ACAD9: variants seen among roughly 807,000 people sequenced by gnomAD.
ACAD9 encodes acyl-CoA dehydrogenase family member 9, also known as complex I assembly factor ACAD9, mitochondrial.
ACAD9 carries 53 observed loss-of-function variants against 70.2 expected under a neutral mutation model. That is an observed-to-expected ratio of 0.75 (90% CI 0.61 to 0.95). The LOEUF is 0.95. ACAD9 is among the 40% of genes least tolerant of loss of function. ACAD9 has a pLI of 0.00. For missense variants in ACAD9, 777 were observed against 802.8 expected, an observed-to-expected ratio of 0.97 and a Z score of 0.39; for synonymous variants, 313 against 312.1, an observed-to-expected ratio of 1.00 and a Z score of -0.03.
rs777561875 is a variant in ACAD9 at position 128,912,631 on chromosome 3, A to C, written c.*24A>C. ...GAGGCAGGGGACAGTGTCCCCTGCTACCGCCCGCCCCTACCCATGGCCCGT... is the reference window on the plus strand; with the variant it reads ...GAGGCAGGGGACAGTGTCCCCTGCTCCCGCCCGCCCCTACCCATGGCCCGT... On this transcript the variant is annotated 3_prime_UTR_variant, in exon 18 of 18. Transcript: ENST00000308982. The C allele has an allele frequency of 6.3e-7, 1 of 1,591,264 alleles. No homozygotes were observed. The highest frequency in any genetic ancestry group is 8.6e-7 in the Non-Finnish European group (1 of 1,159,358).
rs758878148 is a variant in ACAD9 at position 128,908,196 on chromosome 3, G to T, written c.1290G>T (p.Glu430Asp). 2 of 1,614,160 alleles carry T rather than the reference G, an allele frequency of 1.2e-6. No individual in the cohort carries two copies. The highest frequency in any genetic ancestry group is 1.1e-5 in the South Asian group (1 of 91,090). ...RILLIFEGTN[E>D]ILRMYIALTG... The stretch of plus-strand genomic sequence containing the variant: ...ACTACTGACCACAGGGAACCAATGA[G>T]ATTCTCCGGATGTACATCGCCCTGA... The change falls in exon 13 of 18, where the codon GAG becomes GAT. Residue 430 changes from glutamate to aspartate, a missense_variant. By Grantham distance (45) the Glu-to-Asp change is conservative. Transcript: ENST00000308982.
At chr3:128,911,567 A>AGTT (rs1237126624) in intron 17 of ACAD9, among the ~76,000 whole-genome samples, 1 of 152,080 alleles carries the variant, frequency 6.6e-6, no homozygotes, top group East Asian at 1.9e-4. Flanking sequence ...CCTCCTGAGT[A>AGTT]GTTGGGATTA....
intron 2 of ACAD9, among the ~76,000 whole-genome samples, chr3:128,892,247 A>G (rs528545217): frequency 5.1e-4 from 77 of 152,356 alleles, no homozygotes; most frequent in African/African-American, 1.8e-3. Context: ...ATTATATATT[A>G]TAAATATGTG....
At chr3:128,897,864 A>G (rs1020301167) in intron 6 of ACAD9, among the ~76,000 whole-genome samples, 154 bp downstream of exon 6, 1 of 151,676 alleles carries the variant, frequency 6.6e-6, no homozygotes, top group Non-Finnish European at 1.5e-5. Context: ...AATTTTTTTT[A>G]GTTTTTTTTA....
chr3:128,901,245 C>A, intron 7 of ACAD9, 31 bp from the exon 8 acceptor site: 2 of 1,607,368 alleles, frequency 1.2e-6, no homozygotes, highest in South Asian at 2.2e-5. Context: ...TTTGCATTGT[C>A]AGATGATATC....
At chr3:128,880,258 C>T (rs1935048759) in intron 1 of ACAD9, 2 of 348,530 alleles carry the variant, frequency 5.7e-6, no homozygotes, top group South Asian at 4.7e-5. Context: ...AGCCCAGCGC[C>T]TCTCCCTGCC....
chr3:128,908,927 C>G, intron 13 of ACAD9, 46 bp from the exon 14 acceptor site: 1 of 1,613,502 alleles, frequency 6.2e-7, no homozygotes, highest in South Asian at 1.1e-5. Context: ...GGACAGTGAG[C>G]GCCAGCAGCG....
chr3:128,901,874 C>T (rs996570677), intron 8 of ACAD9, among the ~76,000 whole-genome samples: 1 of 152,194 alleles, frequency 6.6e-6, no homozygotes, highest in African/African-American at 2.4e-5. Context: ...GACCCTTACC[C>T]CATCCCTTGG....
At chr3:128,890,484 T>C (rs148035542) in intron 2 of ACAD9, among the ~76,000 whole-genome samples, 7,557 of 151,980 alleles carry the variant, frequency 0.05, 392 homozygotes, top group African/African-American at 0.12. Flanking sequence ...GGGCGGATCA[T>C]GAGGTCAGGA....
rs1315910493 is a variant in ACAD9 at position 128,906,172 on chromosome 3, C to T, written c.1201C>T (p.Leu401Phe). ...WQCVSEALQI[L>F]GGLGYTRDYP... is the part of the protein sequence containing the mutation. Reference sequence around the variant, plus strand: ...GTGTGTGAGTGAGGCGCTGCAGATCCTCGGGGGCTTGGGCTACACAAGGGA... The same window carrying T: ...GTGTGTGAGTGAGGCGCTGCAGATCTTCGGGGGCTTGGGCTACACAAGGGA... Residue 401 changes from leucine to phenylalanine, a missense_variant, in exon 12 of 18, where the codon CTC (leucine) becomes TTC (phenylalanine). Coordinates refer to ENST00000308982, the MANE Select transcript of ACAD9 (RefSeq NM_014049.5). 3 of 1,614,196 alleles carry T rather than the reference C, an allele frequency of 1.9e-6. No individual in the cohort carries two copies. The Admixed American group carries it at 5.0e-5, about 27-fold the overall frequency.
chr3:128,880,545 C>T (rs1011967939), intron 1 of ACAD9, among the ~76,000 whole-genome samples: 3 of 110,152 alleles, frequency 2.7e-5, no homozygotes, highest in Non-Finnish European at 5.1e-5. Context: ...GGCGCCTGCC[C>T]GGCTTTTTTT....
At chr3:128,893,775 G>A (rs974857802) in intron 3 of ACAD9, 119 bp downstream of exon 3, 2 of 845,616 alleles carry the variant, frequency 2.4e-6, no homozygotes, top group African/African-American at 3.3e-5. Flanking sequence ...TACTTGGTAG[G>A]GGTGGACTGA....
At chr3:128,912,227 A>C (rs1482907864) in intron 17 of ACAD9, among the ~76,000 whole-genome samples, 1 of 152,204 alleles carries the variant, frequency 6.6e-6, no homozygotes, top group African/African-American at 2.4e-5. Context: ...GTGGGCTGGA[A>C]TCACAGATGG....
intron 2 of ACAD9, 164 bp from the exon 3 acceptor site, chr3:128,893,391 A>G (rs1238323549): frequency 5.0e-6 from 3 of 600,706 alleles, no homozygotes; most frequent in East Asian, 6.1e-5. Flanking sequence ...GGCTCATTAC[A>G]TAAAATTGAA....
At chr3:128,884,394 G>A (rs956203021) in intron 1 of ACAD9, among the ~76,000 whole-genome samples, 2 of 152,168 alleles carry the variant, frequency 1.3e-5, no homozygotes, top group Non-Finnish European at 2.9e-5. Flanking sequence ...ATCATCCCTT[G>A]TACTGAGAAG....
At position 128,909,028 on chromosome 3, in the gene ACAD9, CG is replaced by C; in HGVS notation, c.1417del (p.Asp473ThrfsTer11). The C allele has an allele frequency of 6.2e-7, 1 of 1,614,138 alleles. No individual in the cohort carries two copies. Among genetic ancestry groups the C allele is most frequent in the South Asian group, 1.1e-5 (1 of 91,084 alleles). ...CATGGATACCGTTGGCCGGAGGCTT[CG>C]GGACTCCCTGGGCCGAACTGTGGAC... ...TVMDTVGRRL[R>X]DSLGRTVDLG... On this transcript the variant is annotated frameshift_variant, in exon 14 of 18. Coordinates refer to ENST00000308982, the MANE Select transcript of ACAD9 (RefSeq NM_014049.5). LOFTEE classifies it high-confidence loss of function.
intron 6 of ACAD9, 31 bp from the exon 7 acceptor site, chr3:128,899,256 T>G (rs749119105): frequency 1.9e-6 from 3 of 1,613,370 alleles, no homozygotes; most frequent in Admixed American, 1.7e-5. Context: ...AGGGGTTTGG[T>G]TTTCTCCAAA....
intron 1 of ACAD9, among the ~76,000 whole-genome samples, chr3:128,884,220 A>G (rs1165583696): frequency 1.3e-5 from 2 of 152,210 alleles, no homozygotes; most frequent in African/African-American, 2.4e-5. Flanking sequence ...GATTCTCACA[A>G]GGGCCTTGAG....
chr3:128,910,357 CAG>C (rs1436403423), intron 16 of ACAD9: 15 of 1,465,180 alleles, frequency 1.0e-5, no homozygotes, highest in Middle Eastern at 2.0e-4. Context: ...GGGTGAGTGA[CAG>C]GGGTTCCTGA....
Sources: gnomAD v4.1 joint callset for allele counts (sites outside exome capture counted in the v4.1 genomes callset) on GRCh38, gnomAD v4.1.1 for gene constraint, MANE v1.5 for transcripts, NCBI Gene and HGNC (gene_info 2026-07-23, HGNC 2026-07-21) for gene names.